The following KIAA1549L variants were observed in gnomAD, a reference collection of about 807,000 sequenced individuals.
KIAA1549L encodes KIAA1549 like, also known as UPF0606 protein KIAA1549L.
KIAA1549L carries 88 observed loss-of-function variants against 160.7 expected under a neutral mutation model. The ratio of observed to expected loss-of-function variants is 0.55; its 90% CI spans 0.46 to 0.65. The LOEUF is 0.65. KIAA1549L is among the 30% of genes least tolerant of loss of function. KIAA1549L has a pLI of 0.00. For missense variants in KIAA1549L, 2,258 were observed against 2,437.5 expected (o/e 0.93, Z 1.55); for synonymous variants, 950 against 976.7 (o/e 0.97, Z 0.51).
chr11:33,401,441 C>T (rs1850499183), intron 1 of KIAA1549L, among the ~76,000 whole-genome samples: 1 of 151,584 alleles, frequency 6.6e-6, no homozygotes, highest in Non-Finnish European at 1.5e-5. Flanking sequence ...ATACACGGCT[C>T]TTCTGAATGA....
Position 33,543,550 on chromosome 11 carries a change from G to C in KIAA1549L, c.1987G>C (p.Ala663Pro), listed in dbSNP as rs756374556. Residue 663 changes from alanine (A) to proline (P), a missense_variant, in exon 2 of 21, where the codon GCT (alanine) becomes CCT (proline). Ala to Pro is a conservative substitution (Grantham distance 27). This residue lies in a region of KIAA1549L where 287 missense variants were observed against 292.3 expected (regional missense o/e 0.98). Transcript: ENST00000658780. ...AAAVDHSGLP[A>P]SASKQVRASP... ...TGCTGTGGACCATTCTGGGTTGCCA[G>C]CTTCAGCTTCCAAACAGGTGAGAGC... 1 of 1,613,990 alleles carries C rather than the reference G, an allele frequency of 6.2e-7. No individual in the cohort carries two copies. Among genetic ancestry groups the C allele is most frequent in the South Asian group, 1.1e-5 (1 of 91,078 alleles).
intron 1 of KIAA1549L, among the ~76,000 whole-genome samples, chr11:33,419,686 A>G (rs1357202245): frequency 1.3e-5 from 2 of 152,094 alleles, no homozygotes; most frequent in African/African-American, 4.8e-5. Flanking sequence ...TCTCCACTAA[A>G]AAATACAAAA....
In KIAA1549L at chr11:33,543,676, G is replaced by A; in HGVS notation, c.2113G>A (p.Gly705Arg). Residue 705 changes from glycine to arginine, a missense_variant, in exon 2 of 21, where the codon GGA becomes AGA. Gly to Arg is a moderately radical substitution (Grantham distance 125). Around this residue, in one of 6 missense-constraint regions of KIAA1549L, gnomAD observed 287 missense variants for 292.3 expected, o/e 0.98. Transcript: ENST00000658780. ...VFWSSLSAET[G>R]SLSTESIISG... ...CTGGAGTTCTCTTTCAGCAGAAACT[G>A]GATCTCTTTCCACAGAATCAATAAT... is the stretch of plus-strand genomic sequence containing the variant. The A allele has an allele frequency of 6.2e-7, 1 of 1,613,966 alleles. No homozygotes were observed. The highest frequency in any genetic ancestry group is 1.7e-5 in the Admixed American group (1 of 60,018).
In KIAA1549L at chr11:33,668,317, T is replaced by G; in HGVS notation, c.*163T>G. Reference sequence around the variant, plus strand: ...GGGGCTTCTGGGAACAGGAAACTCTTGAACGACTAGATTCTTGGCTCATCC... The same window carrying G: ...GGGGCTTCTGGGAACAGGAAACTCTGGAACGACTAGATTCTTGGCTCATCC... On this transcript the variant is annotated 3_prime_UTR_variant, in exon 21 of 21. Coordinates refer to ENST00000658780, the MANE Select transcript of KIAA1549L (RefSeq NM_012194.3). 1 of 682,376 alleles carries G rather than the reference T, an allele frequency of 1.5e-6. No individual in the cohort carries two copies. The highest frequency in any genetic ancestry group is 2.4e-6 in the Non-Finnish European group (1 of 411,730). 42.3% of individuals were successfully genotyped at this position (682,376 alleles called of 1,614,324 possible).
At chr11:33,397,431 C>T (rs532075986) in intron 1 of KIAA1549L, among the ~76,000 whole-genome samples, 3 of 148,572 alleles carry the variant, frequency 2.0e-5, no homozygotes, top group African/African-American at 2.5e-5. Flanking sequence ...ACATTTTAGG[C>T]TGGGCGCGGT....
chr11:33,385,083 T>C (rs1171442918), intron 1 of KIAA1549L, among the ~76,000 whole-genome samples: 1 of 152,210 alleles, frequency 6.6e-6, no homozygotes, highest in Non-Finnish European at 1.5e-5. Flanking sequence ...TGATTTCTTC[T>C]AGAAGTTTTG....
At chr11:33,512,074 G>T (rs906529686) in intron 1 of KIAA1549L, among the ~76,000 whole-genome samples, 3 of 152,168 alleles carry the variant, frequency 2.0e-5, no homozygotes, top group Non-Finnish European at 4.4e-5. Context: ...AGGTACTACT[G>T]CAAGTCTATG....
chr11:33,601,221 T>C (rs1850352094), intron 13 of KIAA1549L, among the ~76,000 whole-genome samples: 1 of 152,072 alleles, frequency 6.6e-6, no homozygotes, highest in Non-Finnish European at 1.5e-5. Context: ...CCCAGTGAAT[T>C]TGGGGGGCTG....
chr11:33,617,831 A>ATGGATG, intron 15 of KIAA1549L, among the ~76,000 whole-genome samples: 1 of 110,996 alleles, frequency 9.0e-6, no homozygotes, highest in South Asian at 2.6e-4. Context: ...ATGGATGGAT[A>ATGGATG]GGTAGGTGGG....
rs754927908 is a variant in KIAA1549L at position 33,543,349 on chromosome 11, A to G, written c.1786A>G (p.Asn596Asp). 1.2e-6 allele frequency: 2 copies of G among 1,614,060 alleles called. No individual in the cohort carries two copies. Residue 596 changes from asparagine (N) to aspartate (D), a missense_variant, in exon 2 of 21, where the codon AAT becomes GAT. Transcript: ENST00000658780. Reference protein sequence around the residue: ...RKEVLSLHTVNGFVSDFSTGS... With the variant: ...RKEVLSLHTVDGFVSDFSTGS... ...AGAGGTTTTGAGTCTTCACACTGTA[A>G]ATGGATTTGTCTCTGATTTCAGCAC...
intron 3 of KIAA1549L, among the ~76,000 whole-genome samples, chr11:33,545,982 A>G (rs973621833): frequency 6.6e-6 from 1 of 152,218 alleles, no homozygotes; most frequent in African/African-American, 2.4e-5. Flanking sequence ...TGTTAGAAAG[A>G]CTTTCTTGAA....
intron 1 of KIAA1549L, among the ~76,000 whole-genome samples, chr11:33,511,029 C>G (rs1022277220): frequency 6.6e-6 from 1 of 152,220 alleles, no homozygotes; most frequent in Non-Finnish European, 1.5e-5. Context: ...CTTCCTAGGC[C>G]TCAGAAGCTG....
chr11:33,560,901 T>C (rs1854835279), intron 7 of KIAA1549L, among the ~76,000 whole-genome samples: 1 of 152,224 alleles, frequency 6.6e-6, no homozygotes, highest in African/African-American at 2.4e-5. Flanking sequence ...AAGATGACTC[T>C]GGGTTTTAGG....
At chr11:33,430,097 C>CCGTT (rs1393795789) in intron 1 of KIAA1549L, among the ~76,000 whole-genome samples, 6 of 137,956 alleles carry the variant, frequency 4.3e-5, no homozygotes, top group African/African-American at 1.3e-4. Flanking sequence ...CCTCTCTCCT[C>CCGTT]CCTCCCTCCA....
chr11:33,463,774 T>C (rs1851988408), intron 1 of KIAA1549L, among the ~76,000 whole-genome samples: 1 of 152,218 alleles, frequency 6.6e-6, no homozygotes, highest in South Asian at 2.1e-4. Flanking sequence ...TTTAAACTCC[T>C]GCTATTTAGT....
chr11:33,590,672 A>G (rs895293090), intron 11 of KIAA1549L, among the ~76,000 whole-genome samples: 1 of 152,210 alleles, frequency 6.6e-6, no homozygotes, highest in Admixed American at 6.5e-5. Flanking sequence ...GTGATAACAC[A>G]CTTCCCTCTG....
At chr11:33,411,413 T>G (rs1363820344) in intron 1 of KIAA1549L, among the ~76,000 whole-genome samples, 1 of 152,134 alleles carries the variant, frequency 6.6e-6, no homozygotes, top group Admixed American at 6.5e-5. Flanking sequence ...CTGCTGCAGG[T>G]CCAGAACTCC....
chr11:33,427,520 G>A (rs576422020), intron 1 of KIAA1549L, among the ~76,000 whole-genome samples: 8 of 151,990 alleles, frequency 5.3e-5, no homozygotes, highest in South Asian at 2.1e-4. Flanking sequence ...TACTCCCTCC[G>A]TCCCTATTTC....
chr11:33,533,296 C>A (rs1853818129), intron 1 of KIAA1549L, among the ~76,000 whole-genome samples: 1 of 152,152 alleles, frequency 6.6e-6, no homozygotes, highest in Admixed American at 6.5e-5. Flanking sequence ...AGACAGAGGC[C>A]TGAACAATCT....
Sources: gnomAD v4.1 joint callset for allele counts (sites outside exome capture counted in the v4.1 genomes callset) on GRCh38, gnomAD v4.1.1 for gene constraint, gnomAD v4.1.1 regional missense constraint, MANE v1.5 for transcripts, NCBI Gene and HGNC (gene_info 2026-07-23, HGNC 2026-07-21) for gene names.